The following OTUD6B variants were observed in gnomAD, a reference collection of about 807,000 sequenced individuals.
The protein encoded by OTUD6B is deubiquitinase OTUD6B.
A neutral mutation model predicts 36.9 loss-of-function variants in OTUD6B; 41 were observed. The observed-to-expected ratio is 1.11, with a 90% CI of 0.87 to 1.44. The LOEUF is 1.44. OTUD6B is among the 40% of genes most tolerant of loss of function. The pLI is 0.00. For synonymous variants in OTUD6B, 114 were observed against 114.2 expected (o/e 1.00, Z 0.01); for missense variants, 356 against 344.8 (o/e 1.03, Z -0.26).
At chr8:91,081,667 G>A (rs1441966572) in intron 5 of OTUD6B, among the ~76,000 whole-genome samples, 2 of 152,136 alleles carry the variant, frequency 1.3e-5, no homozygotes, top group Non-Finnish European at 2.9e-5. Context: ...ATGAACCTAG[G>A]CAGTACGATT....
At chr8:91,074,815 T>C (rs180797994) in intron 3 of OTUD6B, among the ~76,000 whole-genome samples, 100 of 152,238 alleles carry the variant, frequency 6.6e-4, no homozygotes, top group African/African-American at 2.1e-3. Flanking sequence ...GAGTTTAGTG[T>C]CAAACAGATG....
At position 91,084,838 on chromosome 8, in the gene OTUD6B, G is replaced by A. The variant is rs1255578492; in HGVS notation, c.852G>A (p.Leu284=). 2 of 1,572,596 alleles carry A rather than the reference G, an allele frequency of 1.3e-6. No individual in the cohort carries two copies. The highest frequency in any genetic ancestry group is 1.1e-5 in the South Asian group (1 of 87,464). The part of the protein sequence containing the change: ...LGEHYNSVTR[L]VNIVTENCS The stretch of plus-strand genomic sequence containing the variant: ...AACATTATAATTCGGTTACACGGTT[G>A]GTAAACATAGTTACTGAAAATTGCA... The change falls in exon 7 of 7, where the codon TTG becomes TTA. Residue 284 remains leucine (L), a synonymous_variant. Coordinates refer to ENST00000404789, the MANE Select transcript of OTUD6B (RefSeq NM_016023.5).
chr8:91,081,631 AG>A (rs1812910205), intron 5 of OTUD6B, among the ~76,000 whole-genome samples: 1 of 152,122 alleles, frequency 6.6e-6, no homozygotes, highest in Non-Finnish European at 1.5e-5. Flanking sequence ...CCTGCATAAA[AG>A]TTTGTAAGCT....
At chr8:91,083,723 G>A (rs533777027) in intron 5 of OTUD6B, among the ~76,000 whole-genome samples, 1 of 152,214 alleles carries the variant, frequency 6.6e-6, no homozygotes, top group African/African-American at 2.4e-5. Context: ...TTAGATTTGA[G>A]TCCCATCCTC....
At position 91,080,785 on chromosome 8, in the gene OTUD6B, C is replaced by T. The variant is rs73301761; in HGVS notation, c.690+55C>T. On this transcript the variant is annotated intron_variant, in intron 5 of 6. Transcript: ENST00000404789. ...GGGTTGTTAAATTATTTCTAAATCC[C>T]TTCTGTAGTTTTTAGATGTTTCTCA... 8,646 of 1,312,312 alleles carry T rather than the reference C, an allele frequency of 6.6e-3. 432 individuals carry two copies. In the African/African-American group the frequency reaches 0.11, roughly 17 times the overall value. The allele number at this position is 1,312,312 out of a possible 1,614,324, so 81.3% of individuals were successfully genotyped here.
rs901147537 is a variant in OTUD6B, at chr8:91,086,774, A to G, written c.*1906A>G. 9.2e-5 allele frequency: 14 copies of G among 152,118 alleles called. No individual in the cohort carries two copies. Among genetic ancestry groups the G allele is most frequent in the Admixed American group, 7.9e-4 (12 of 15,256 alleles). The allele number at this position is 152,118 out of a possible 1,614,324, so 9.4% of individuals were successfully genotyped here. ...CTTCTGTTCTTTCCTAAAACTTCAGATAAATATCATTTTAGCTATAACCTA... is the reference window on the plus strand; with the variant it reads ...CTTCTGTTCTTTCCTAAAACTTCAGGTAAATATCATTTTAGCTATAACCTA... On this transcript the variant is annotated 3_prime_UTR_variant, in exon 7 of 7. Coordinates refer to ENST00000404789, the MANE Select transcript of OTUD6B (RefSeq NM_016023.5).
chr8:91,078,395 A>G lies in OTUD6B; in HGVS notation c.355A>G (p.Ile119Val), dbSNP rs758900023. ...AALEKEREER[I>V]AEAEIENLTG... ...ATTGGAAAAGGAGCGAGAAGAACGGATAGCTGAAGCTGAAATTGAAAACTT... is the reference window on the plus strand; with the variant it reads ...ATTGGAAAAGGAGCGAGAAGAACGGGTAGCTGAAGCTGAAATTGAAAACTT... The change falls in exon 4 of 7, where the codon ATA becomes GTA. Residue 119 changes from isoleucine to valine, a missense_variant. Transcript: ENST00000404789. The G allele has an allele frequency of 6.3e-7, 1 of 1,592,686 alleles. No homozygotes were observed. The highest frequency in any genetic ancestry group is 8.6e-7 in the Non-Finnish European group (1 of 1,168,562).
Position 91,083,993 on chromosome 8 carries a change from T to C in OTUD6B, c.691-15T>C, listed in dbSNP as rs768206106. 6.5e-7 allele frequency: 1 copy of C among 1,543,878 alleles called. No homozygotes were observed. Among genetic ancestry groups the C allele is most frequent in the Non-Finnish European group, 8.7e-7 (1 of 1,146,200 alleles). On this transcript the variant is annotated splice_polypyrimidine_tract_variant and intron_variant, in intron 5 of 6. Transcript: ENST00000404789. Reference sequence around the variant, plus strand: ...ATTTTTATTTTCCTTACTGATACTTTTTTTCTTCCTATAGCTAAGAGCTCT... The same window carrying C: ...ATTTTTATTTTCCTTACTGATACTTCTTTTCTTCCTATAGCTAAGAGCTCT...
intron 4 of OTUD6B, 174 bp from the exon 5 acceptor site, chr8:91,080,495 G>T (rs576563864): frequency 2.4e-6 from 2 of 822,734 alleles, no homozygotes; most frequent in Non-Finnish European, 2.9e-6. Flanking sequence ...TAGAAAGTTG[G>T]GGTGAATTAA....
chr8:91,083,575 G>A (rs755712154), intron 5 of OTUD6B, among the ~76,000 whole-genome samples: 1 of 152,128 alleles, frequency 6.6e-6, no homozygotes, highest in African/African-American at 2.4e-5. Context: ...GACATCACAA[G>A]TGGAAAATTC....
intron 3 of OTUD6B, among the ~76,000 whole-genome samples, chr8:91,077,733 T>C (rs192110349): frequency 3.3e-5 from 5 of 152,172 alleles, no homozygotes; most frequent in African/African-American, 1.2e-4. Flanking sequence ...CCATATTTAT[T>C]AAAATGAATG....
chr8:91,081,086 C>G (rs904613308), intron 5 of OTUD6B, among the ~76,000 whole-genome samples: 1 of 151,618 alleles, frequency 6.6e-6, no homozygotes, highest in African/African-American at 2.4e-5. Context: ...AAAATTTAGC[C>G]TAGTAGCTCA....
At chr8:91,080,956 T>C (rs1563582869) in intron 5 of OTUD6B, among the ~76,000 whole-genome samples, 1 of 152,148 alleles carries the variant, frequency 6.6e-6, no homozygotes. Context: ...TTTAAATAGC[T>C]CAGTGTTAGA....
chr8:91,071,688 G>A (rs1285195129), intron 2 of OTUD6B, among the ~76,000 whole-genome samples: 1 of 152,136 alleles, frequency 6.6e-6, no homozygotes, highest in Non-Finnish European at 1.5e-5. Flanking sequence ...AAATTGGTAG[G>A]GAAATGAAAT....
intron 3 of OTUD6B, 161 bp from the exon 4 acceptor site, chr8:91,078,195 C>T (rs1418393803): frequency 1.1e-6 from 1 of 945,644 alleles, no homozygotes; most frequent in Admixed American, 6.2e-5. Flanking sequence ...AAGGAGCTCA[C>T]CTTGTAGAAA....
chr8:91,085,445 TA>T lies in OTUD6B; in HGVS notation c.*582del. ...AAGCTTGCTTTAATAATTAATAATT[TA>T]AAAATATTTATTTAGATGGGATTCA... On this transcript the variant is annotated 3_prime_UTR_variant, in exon 7 of 7. Coordinates refer to ENST00000404789, the MANE Select transcript of OTUD6B (RefSeq NM_016023.5). 1 of 152,016 alleles carries T rather than the reference TA, an allele frequency of 6.6e-6. No individual in the cohort carries two copies. Among genetic ancestry groups the T allele is most frequent in the Middle Eastern group, 3.4e-3 (1 of 294 alleles). The allele number at this position is 152,016 out of a possible 1,614,324, so 9.4% of individuals were successfully genotyped here.
At chr8:91,077,561 A>G (rs970996869) in intron 3 of OTUD6B, among the ~76,000 whole-genome samples, 5 of 151,684 alleles carry the variant, frequency 3.3e-5, no homozygotes, top group African/African-American at 1.2e-4. Context: ...CCTCCTGTCT[A>G]TTCTTCATGT....
At position 91,071,182 on chromosome 8, in the gene OTUD6B, A is replaced by G; in HGVS notation, c.127A>G (p.Lys43Glu). Residue 43 changes from lysine (K) to glutamate (E), a missense_variant, in exon 2 of 7, where the codon AAG (lysine) becomes GAG (glutamate). Physicochemically the swap from Lys to Glu is moderately conservative, Grantham distance 56. Transcript: ENST00000404789. ...MKNAVPKNDKKRRKQLTEDVA... is the reference protein window; with the variant it reads ...MKNAVPKNDKERRKQLTEDVA... ...GAATGCTGTTCCCAAGAATGACAAGAAGAGGAGGAAGCAACTCACCGAAGA... is the reference window on the plus strand; with the variant it reads ...GAATGCTGTTCCCAAGAATGACAAGGAGAGGAGGAAGCAACTCACCGAAGA... 6.2e-7 allele frequency: 1 copy of G among 1,613,760 alleles called. No individual in the cohort carries two copies. The highest frequency in any genetic ancestry group is 1.7e-4 in the Middle Eastern group (1 of 6,060).
intron 5 of OTUD6B, among the ~76,000 whole-genome samples, chr8:91,083,153 G>T (rs1302753944): frequency 6.6e-6 from 1 of 151,930 alleles, no homozygotes; most frequent in Admixed American, 6.6e-5. Flanking sequence ...TTCATTGATA[G>T]GGCAGTACAA....
Sources: allele counts gnomAD v4.1 joint callset (sites outside exome capture counted in the v4.1 genomes callset), GRCh38; gene constraint gnomAD v4.1.1; transcripts MANE v1.5; gene names NCBI Gene and HGNC (gene_info 2026-07-23, HGNC 2026-07-21).